Variants in HTR7 observed in about 807,000 individuals in gnomAD.
HTR7 encodes 5-HT-7.
A neutral mutation model predicts 34.0 loss-of-function variants in HTR7; 16 were observed. That is an observed-to-expected ratio of 0.47 (90% CI 0.32 to 0.71). The LOEUF (loss-of-function observed/expected upper bound fraction) is 0.71. HTR7 is among the 30% of genes least tolerant of loss of function. The pLI is 0.04. For missense variants in HTR7, 504 were observed against 625.5 expected (o/e 0.81, Z 2.07); for synonymous variants, 265 against 260.2 (o/e 1.02, Z -0.18).
At chr10:90,831,637 C>T (rs1304855772) in intron 1 of HTR7, among the ~76,000 whole-genome samples, 1 of 152,190 alleles carries the variant, frequency 6.6e-6, no homozygotes, top group African/African-American at 2.4e-5. Context: ...CCACAACCTG[C>T]GGATTGGTCC....
chr10:90,840,998 G>C (rs1201532705), intron 1 of HTR7, among the ~76,000 whole-genome samples: 1 of 152,150 alleles, frequency 6.6e-6, no homozygotes, highest in Non-Finnish European at 1.5e-5. Flanking sequence ...AAAGCTTTAA[G>C]CCTCAAATCT....
rs2120144328 is a variant in HTR7, at chr10:90,857,096, C to T, written c.539+37G>A. On this transcript the variant is annotated intron_variant, in intron 1 of 3. Transcript: ENST00000336152. This position sits in a 1 kb window ranked among gnomAD's most constrained non-coding sequence, Gnocchi z 6.5. ...GCGGGGCTGAGCTGCCAGCCGGTCC[C>T]CAGCCGGAGCCTGGGACGGGGCGGT... 1 of 1,497,178 alleles carries T rather than the reference C, an allele frequency of 6.7e-7. No individual in the cohort carries two copies. Among genetic ancestry groups the T allele is most frequent in the East Asian group, 2.4e-5 (1 of 41,274 alleles). 92.7% of individuals were successfully genotyped at this position (1,497,178 alleles called of 1,614,324 possible). A position where few individuals can be genotyped will look rare whatever the true frequency, so the allele number is the denominator to read the frequency against.
At chr10:90,750,941 T>C (rs1234896259) in intron 1 of HTR7, among the ~76,000 whole-genome samples, 1 of 152,158 alleles carries the variant, frequency 6.6e-6, no homozygotes, top group Non-Finnish European at 1.5e-5. Context: ...GTGTTGGGGA[T>C]AGGACAGTGA....
In HTR7 at chr10:90,857,416, A is replaced by G. The variant is rs1433902650; in HGVS notation, c.256T>C (p.Ser86Pro). The G allele has an allele frequency of 6.2e-7, 1 of 1,613,938 alleles. No individual in the cohort carries two copies. The highest frequency in any genetic ancestry group is 8.5e-7 in the Non-Finnish European group (1 of 1,180,026). Residue 86 changes from serine to proline, a missense_variant, in exon 1 of 4, where the codon TCC (serine) becomes CCC (proline). By Grantham distance (74) the Ser-to-Pro change is moderately conservative (BLOSUM62 -1). Around this residue, in one of 4 missense-constraint regions of HTR7, gnomAD observed 154 missense variants for 248.8 expected, o/e 0.62. Transcript: ENST00000336152. The surrounding 1 kb of genome is among the most constrained non-coding windows in gnomAD (Gnocchi z 6.5). ...AGCAGCGTGATGAGCGTCAGGATGG[A>G]GCCGATCACAACTTTCTCGACTCTG... is the stretch of plus-strand genomic sequence containing the variant. ...YGRVEKVVIG[S>P]ILTLITLLTI...
intron 1 of HTR7, among the ~76,000 whole-genome samples, chr10:90,817,707 G>C (rs1257868354): frequency 6.6e-6 from 1 of 152,186 alleles, no homozygotes; most frequent in Non-Finnish European, 1.5e-5. Context: ...AAACCTCAAT[G>C]ATTTGAGACT....
intron 1 of HTR7, among the ~76,000 whole-genome samples, chr10:90,826,268 A>G (rs998662183): frequency 1.3e-5 from 2 of 152,174 alleles, no homozygotes; most frequent in Admixed American, 6.5e-5. Context: ...TCCTTCAAAC[A>G]TGAAGGAGAA....
intron 1 of HTR7, among the ~76,000 whole-genome samples, chr10:90,848,575 A>G (rs971423176): frequency 6.6e-6 from 1 of 152,210 alleles, no homozygotes; most frequent in Non-Finnish European, 1.5e-5. Flanking sequence ...CTGAAATTTG[A>G]TTTAAAATAA....
intron 1 of HTR7, among the ~76,000 whole-genome samples, chr10:90,804,698 A>G (rs1048414305): frequency 4.6e-5 from 7 of 152,256 alleles, no homozygotes; most frequent in African/African-American, 1.4e-4. Flanking sequence ...AAAGACTTCT[A>G]TGGTTAGCAG....
At chr10:90,841,828 C>T (rs1260073296) in intron 1 of HTR7, among the ~76,000 whole-genome samples, 1 of 152,038 alleles carries the variant, frequency 6.6e-6, no homozygotes, top group Non-Finnish European at 1.5e-5. Flanking sequence ...GGTGAAAACT[C>T]ATCTCTACTA....
At chr10:90,818,894 G>A (rs956848174) in intron 1 of HTR7, among the ~76,000 whole-genome samples, 1 of 152,090 alleles carries the variant, frequency 6.6e-6, no homozygotes, top group Admixed American at 6.6e-5. Context: ...ATGAGATCTG[G>A]TTGTTTAAAG....
chr10:90,804,758 A>C (rs902144376), intron 1 of HTR7, among the ~76,000 whole-genome samples: 1 of 152,022 alleles, frequency 6.6e-6, no homozygotes, highest in Non-Finnish European at 1.5e-5. Flanking sequence ...ATTTTTTTTT[A>C]AAAGAGCTTT....
chr10:90,826,531 A>AAC (rs75963194), intron 1 of HTR7, among the ~76,000 whole-genome samples: 13,449 of 104,460 alleles, frequency 0.13, 991 homozygotes, highest in African/African-American at 0.35. Context: ...TAAAAATAAT[A>AAC]ATTTTAAGGC....
At chr10:90,839,478 T>C (rs1242206219) in intron 1 of HTR7, among the ~76,000 whole-genome samples, 4 of 152,326 alleles carry the variant, frequency 2.6e-5, no homozygotes, top group African/African-American at 9.6e-5. Flanking sequence ...GAAAGCTATG[T>C]AGCTGCCTCT....
At chr10:90,820,003 T>C (rs1845953947) in intron 1 of HTR7, among the ~76,000 whole-genome samples, 1 of 152,238 alleles carries the variant, frequency 6.6e-6, no homozygotes, top group Admixed American at 6.5e-5. Flanking sequence ...ATTTGCATTT[T>C]ATTAATCATA....
intron 1 of HTR7, among the ~76,000 whole-genome samples, chr10:90,809,749 T>C (rs958492659): frequency 6.6e-6 from 1 of 152,186 alleles, no homozygotes; most frequent in African/African-American, 2.4e-5. Flanking sequence ...CAGCCCAGGA[T>C]TCCTCCTAAG....
chr10:90,807,120 C>A (rs977968095), intron 1 of HTR7, among the ~76,000 whole-genome samples: 1 of 152,116 alleles, frequency 6.6e-6, no homozygotes, highest in Non-Finnish European at 1.5e-5. Flanking sequence ...ATTTTAAATA[C>A]GACAGAGTGG....
intron 1 of HTR7, among the ~76,000 whole-genome samples, chr10:90,798,265 T>C (rs1845572034): frequency 6.6e-6 from 1 of 152,184 alleles, no homozygotes; most frequent in Non-Finnish European, 1.5e-5. Context: ...CATTCAGGAC[T>C]GGGTACAATC....
At chr10:90,838,694 C>T (rs930078249) in intron 1 of HTR7, among the ~76,000 whole-genome samples, 9 of 152,192 alleles carry the variant, frequency 5.9e-5, no homozygotes, top group South Asian at 2.1e-4. Flanking sequence ...TGTCTCTCTC[C>T]TCCAATCACA....
At chr10:90,840,640 A>G (rs975927646) in intron 1 of HTR7, among the ~76,000 whole-genome samples, 1 of 152,192 alleles carries the variant, frequency 6.6e-6, no homozygotes, top group Non-Finnish European at 1.5e-5. Flanking sequence ...TCACAACAAT[A>G]TGTTCCTTAC....
Sources: gnomAD v4.1 joint callset for allele counts (sites outside exome capture counted in the v4.1 genomes callset) on GRCh38, gnomAD v4.1.1 for gene constraint, gnomAD v4.1.1 regional missense constraint, Gnocchi (gnomAD v3.1) non-coding constraint, MANE v1.5 for transcripts, NCBI Gene and HGNC (gene_info 2026-07-23, HGNC 2026-07-21) for gene names.